The following CNTNAP2 variants were observed in gnomAD, a reference collection of about 807,000 sequenced individuals.
The protein encoded by CNTNAP2 is contactin-associated protein-like 2.
CNTNAP2 carries 98 observed loss-of-function variants against 155.2 expected under a neutral mutation model. The ratio of observed to expected loss-of-function variants is 0.63; its 90% confidence interval spans 0.54 to 0.75. The LOEUF is 0.75. Among genes scored for constraint, CNTNAP2 ranks in the 30% least tolerant of loss-of-function variants. The pLI is 0.00. For missense variants in CNTNAP2, 1,727 were observed against 1,688.1 expected (o/e 1.02, Z -0.40); for synonymous variants, 651 against 631.2 (o/e 1.03, Z -0.47).
chr7:146,310,794 C>A (rs976193779), intron 1 of CNTNAP2, among the ~76,000 whole-genome samples: 1 of 152,128 alleles, frequency 6.6e-6, no homozygotes, highest in Admixed American at 6.6e-5. Context: ...TCCCTTCCCC[C>A]ATCCATCCAT....
At chr7:146,962,583 C>T (rs1020610794) in intron 3 of CNTNAP2, among the ~76,000 whole-genome samples, 3 of 152,176 alleles carry the variant, frequency 2.0e-5, no homozygotes, top group Non-Finnish European at 4.4e-5. Flanking sequence ...CAGAGTCTCG[C>T]TCTGTTTCCG....
intron 8 of CNTNAP2, among the ~76,000 whole-genome samples, chr7:147,220,651 C>T (rs1803377249): frequency 6.6e-6 from 1 of 152,124 alleles, no homozygotes; most frequent in Non-Finnish European, 1.5e-5. Flanking sequence ...TTTGTAGTTT[C>T]AATTGAGCAT....
chr7:146,846,658 T>G (rs1803847927), intron 3 of CNTNAP2, among the ~76,000 whole-genome samples: 1 of 152,176 alleles, frequency 6.6e-6, no homozygotes, highest in African/African-American at 2.4e-5. Flanking sequence ...TGGGACAATT[T>G]CTGAGACTCA....
At chr7:147,807,484 G>A (rs1471174114) in intron 13 of CNTNAP2, among the ~76,000 whole-genome samples, 3 of 151,818 alleles carry the variant, frequency 2.0e-5, no homozygotes, top group Admixed American at 2.0e-4. Context: ...CAAATATTAT[G>A]TACCCATAGA....
intron 14 of CNTNAP2, among the ~76,000 whole-genome samples, chr7:147,950,364 C>CAAAAAAAAAAAAAAAA (rs386411606): frequency 1.6e-4 from 9 of 55,782 alleles, no homozygotes; most frequent in African/African-American, 4.9e-4. Context: ...CATAGAGAGG[C>CAAAAAAAAAAAAAAAA]AAAAAAAAAA....
intron 13 of CNTNAP2, among the ~76,000 whole-genome samples, chr7:147,663,091 C>G (rs1326049163): frequency 6.6e-6 from 1 of 152,116 alleles, no homozygotes; most frequent in African/African-American, 2.4e-5. Context: ...CTCCACTTCC[C>G]GGGTTCAAGT....
At chr7:147,073,764 G>C (rs185707017) in intron 4 of CNTNAP2, among the ~76,000 whole-genome samples, 1 of 152,136 alleles carries the variant, frequency 6.6e-6, no homozygotes, top group African/African-American at 2.4e-5. Flanking sequence ...GCAAGATGAG[G>C]ACTAAAATAT....
chr7:147,822,015 T>A (rs900812360), intron 13 of CNTNAP2, among the ~76,000 whole-genome samples: 2 of 152,056 alleles, frequency 1.3e-5, no homozygotes, highest in African/African-American at 4.8e-5. Flanking sequence ...GAAACAATAG[T>A]GTTTAAAAAA....
chr7:147,300,147 G>C lies in CNTNAP2; in HGVS notation c.1355G>C (p.Gly452Ala). ...MSQIDISSGS[G>A]LNDGQWHEVR... ...TTTATCTTGTACTTACCAGGTTCTG[G>C]GTTGAATGATGGACAGTGGCACGAG... Residue 452 changes from glycine (G) to alanine (A), a missense_variant, in exon 9 of 24, where the codon GGG (glycine) becomes GCG (alanine). Physicochemically the swap from Gly to Ala is moderately conservative, Grantham distance 60 (BLOSUM62 0). Transcript: ENST00000361727. 6.2e-7 allele frequency: 1 copy of C among 1,613,958 alleles called. No homozygotes were observed. Among genetic ancestry groups the C allele is most frequent in the Non-Finnish European group, 8.5e-7 (1 of 1,179,922 alleles).
intron 1 of CNTNAP2, among the ~76,000 whole-genome samples, chr7:146,559,929 A>G (rs1229303076): frequency 3.3e-5 from 5 of 152,308 alleles, no homozygotes; most frequent in African/African-American, 7.2e-5. Context: ...ACACATTTAC[A>G]TATCTATACC....
chr7:146,158,324 C>G (rs1003378804), intron 1 of CNTNAP2, among the ~76,000 whole-genome samples: 1 of 152,188 alleles, frequency 6.6e-6, no homozygotes, highest in African/African-American at 2.4e-5. Flanking sequence ...AAAATCAGAG[C>G]GCCTCTTCTC....
At position 146,230,781 on chromosome 7, in the gene CNTNAP2, C is replaced by T. The variant is rs540088139; in HGVS notation, c.97+113808C>T. On this transcript the variant is annotated intron_variant, in intron 1 of 23. Coordinates refer to ENST00000361727, the MANE Select transcript of CNTNAP2 (RefSeq NM_014141.6). ...CTGTAATCCCAACACTTTGGGAGGC[C>T]GAGGCAGGTGGACCGCTTGAGTCAG... is the stretch of plus-strand genomic sequence containing the variant. 6.6e-5 allele frequency among the ~76,000 whole-genome samples: 10 copies of T among 152,134 alleles called. No individual in the cohort carries two copies. In the East Asian group the frequency reaches 1.6e-3, roughly 24 times the overall value.
intron 11 of CNTNAP2, among the ~76,000 whole-genome samples, chr7:147,533,146 AATTC>A (rs1467134336): frequency 2.6e-5 from 4 of 152,200 alleles, no homozygotes; most frequent in Admixed American, 6.5e-5. Context: ...CTATAGCTGG[AATTC>A]AGTTTCTGTT....
At chr7:147,247,873 G>A (rs536798555) in intron 8 of CNTNAP2, among the ~76,000 whole-genome samples, 11 of 151,940 alleles carry the variant, frequency 7.2e-5, no homozygotes, top group Non-Finnish European at 1.2e-4. Context: ...TTGAGGGCAC[G>A]TTTTATGCTT....
chr7:148,215,583 T>A (rs988531727), intron 18 of CNTNAP2, among the ~76,000 whole-genome samples: 1 of 151,834 alleles, frequency 6.6e-6, no homozygotes, highest in African/African-American at 2.4e-5. Flanking sequence ...TGTGTGGTGA[T>A]GTGAGGTGGG....
At chr7:148,038,657 T>C (rs1349149275) in intron 15 of CNTNAP2, among the ~76,000 whole-genome samples, 3 of 152,208 alleles carry the variant, frequency 2.0e-5, no homozygotes, top group Admixed American at 1.3e-4. Flanking sequence ...ACCCATTAAA[T>C]GTTTCTTTAA....
intron 1 of CNTNAP2, among the ~76,000 whole-genome samples, chr7:146,521,612 C>T (rs1797617936): frequency 6.6e-6 from 1 of 151,924 alleles, no homozygotes; most frequent in Non-Finnish European, 1.5e-5. Flanking sequence ...ATGTTAAACA[C>T]CAGAATTTTT....
At chr7:146,497,263 C>T (rs1428180250) in intron 1 of CNTNAP2, among the ~76,000 whole-genome samples, 1 of 152,138 alleles carries the variant, frequency 6.6e-6, no homozygotes, top group African/African-American at 2.4e-5. Context: ...TATGAATGCA[C>T]TTAAATTTCC....
chr7:147,282,456 A>G (rs1805063624), intron 8 of CNTNAP2, among the ~76,000 whole-genome samples: 1 of 151,888 alleles, frequency 6.6e-6, no homozygotes. Flanking sequence ...TCTTCAAGCT[A>G]ATTTAAGCCA....
Sources: gnomAD v4.1 joint callset for allele counts (sites outside exome capture counted in the v4.1 genomes callset) on GRCh38, gnomAD v4.1.1 for gene constraint, MANE v1.5 for transcripts, NCBI Gene and HGNC (gene_info 2026-07-23, HGNC 2026-07-21) for gene names.